The following TM2D1 variants were observed in gnomAD, a reference collection of about 807,000 sequenced individuals.
TM2D1 encodes the protein TM2 domain containing 1, also known as TM2 domain-containing protein 1.
Under a neutral mutation model 28.4 loss-of-function variants are expected in TM2D1, and 15 were observed. That is an observed-to-expected ratio of 0.53 (90% CI 0.35 to 0.81). The LOEUF is 0.81. Among genes scored for constraint, TM2D1 ranks in the 40% least tolerant of loss-of-function variants. The probability of loss-of-function intolerance (pLI) is 0.01; values close to 1 mark genes in which losing one functional copy is unlikely to be tolerated. For synonymous variants in TM2D1, 93 were observed against 96.2 expected (o/e 0.97, Z 0.20); for missense variants, 236 against 254.9 (o/e 0.93, Z 0.50).
rs1337838701 is a variant in TM2D1, at chr1:61,694,746, C to T, written c.464G>A (p.Gly155Glu). The T allele has an allele frequency of 6.2e-7, 1 of 1,605,940 alleles. No individual in the cohort carries two copies. Among genetic ancestry groups the T allele is most frequent in the Non-Finnish European group, 8.5e-7 (1 of 1,176,380 alleles). The part of the protein sequence containing the change: ...ALGLLKFCTV[G>E]FCGIGSLIDF... Reference sequence around the variant, plus strand: ...AATTAGGCTCCCAATTCCACAAAACCCTACAGTGCAAAACTTTAACAAACC... The same window carrying T: ...AATTAGGCTCCCAATTCCACAAAACTCTACAGTGCAAAACTTTAACAAACC... The change falls in exon 5 of 7, where the codon GGG becomes GAG. Residue 155 changes from glycine to glutamate, a missense_variant. Physicochemically the swap from Gly to Glu is moderately conservative, Grantham distance 98. Coordinates refer to ENST00000606498, the MANE Select transcript of TM2D1 (RefSeq NM_032027.3).
intron 6 of TM2D1, among the ~76,000 whole-genome samples, chr1:61,681,800 G>A (rs902896818): frequency 1.3e-5 from 2 of 152,180 alleles, no homozygotes; most frequent in African/African-American, 4.8e-5. Flanking sequence ...GACTGGAGCT[G>A]GGGTAGGATG....
intron 2 of TM2D1, 25 bp from the exon 3 acceptor site, chr1:61,709,462 C>CT: frequency 1.3e-6 from 2 of 1,532,988 alleles, no homozygotes; most frequent in Non-Finnish European, 1.8e-6. Flanking sequence ...AGTCAAGAAA[C>CT]TGTTATTTTT....
intron 5 of TM2D1, among the ~76,000 whole-genome samples, chr1:61,690,479 A>AAAC (rs1557526569): frequency 6.9e-6 from 1 of 145,382 alleles, no homozygotes; most frequent in Non-Finnish European, 1.5e-5. Flanking sequence ...AAAAAAAAAA[A>AAAC]AACACAAAAC....
chr1:61,715,935 G>A (rs904078561), intron 2 of TM2D1, among the ~76,000 whole-genome samples: 1 of 150,874 alleles, frequency 6.6e-6, no homozygotes, highest in Non-Finnish European at 1.5e-5. Context: ...CCGAGTAGCT[G>A]GGACTACAGG....
At chr1:61,712,023 T>A (rs1223205722) in intron 2 of TM2D1, among the ~76,000 whole-genome samples, 2 of 152,008 alleles carry the variant, frequency 1.3e-5, no homozygotes, top group Non-Finnish European at 2.9e-5. Context: ...TGAGCCACCA[T>A]GATGTAACTA....
chr1:61,695,884 T>C (rs1644359748), intron 4 of TM2D1, among the ~76,000 whole-genome samples: 1 of 152,232 alleles, frequency 6.6e-6, no homozygotes, highest in Admixed American at 6.5e-5. Flanking sequence ...TTATCTTTGA[T>C]TACTATCTGT....
At chr1:61,714,228 C>A (rs1048546303) in intron 2 of TM2D1, among the ~76,000 whole-genome samples, 4 of 149,042 alleles carry the variant, frequency 2.7e-5, no homozygotes, top group African/African-American at 9.8e-5. Context: ...GTTGAAAATG[C>A]CTGGTAAAAA....
At position 61,723,750 on chromosome 1, in the gene TM2D1, C is replaced by A. The variant is rs769317909; in HGVS notation, c.201G>T (p.Thr67=). The change falls in exon 2 of 7, where the codon ACG becomes ACT. Residue 67 remains threonine (T), a synonymous_variant. Coordinates refer to ENST00000606498, the MANE Select transcript of TM2D1 (RefSeq NM_032027.3). ...ICKDPKINDA[T]QEPVNCTNYT... is the part of the protein sequence containing the mutation. ...AGTTTGTACAGTTAACTGGTTCTTG[C>A]GTAGCGTCATTTATTTTTGGATCTT... The A allele has an allele frequency of 1.9e-6, 3 of 1,557,930 alleles. No homozygotes were observed. The highest frequency in any genetic ancestry group is 3.6e-5 in the Admixed American group (2 of 54,800).
At chr1:61,697,046 G>A (rs114724125) in intron 4 of TM2D1, among the ~76,000 whole-genome samples, 106 of 151,976 alleles carry the variant, frequency 7.0e-4, no homozygotes, top group African/African-American at 2.3e-3. Context: ...ATCTTATCTC[G>A]TTTAATTCTT....
At chr1:61,682,736 A>G (rs896729510) in intron 6 of TM2D1, among the ~76,000 whole-genome samples, 13 of 152,008 alleles carry the variant, frequency 8.6e-5, no homozygotes, top group Admixed American at 1.3e-4. Context: ...CTCTACTAAA[A>G]ATACAAGTTA....
chr1:61,706,834 AAAAGAAAGAAAGAAAG>A (rs71050144), intron 3 of TM2D1, among the ~76,000 whole-genome samples: 2 of 146,376 alleles, frequency 1.4e-5, no homozygotes, highest in Non-Finnish European at 3.0e-5. Context: ...TGTCTTAAAA[AAAAGAAAGAAAGAAAG>A]AAAGAAAGAA....
At chr1:61,696,966 G>T (rs17122681) in intron 4 of TM2D1, among the ~76,000 whole-genome samples, 36,029 of 151,400 alleles carry the variant, frequency 0.24, 4,392 homozygotes, top group South Asian at 0.39. Context: ...TGAAGTTTTT[G>T]ATTATAATAA....
intron 3 of TM2D1, among the ~76,000 whole-genome samples, chr1:61,708,636 CT>C (rs1644456363): frequency 6.6e-6 from 1 of 152,114 alleles, no homozygotes; most frequent in Non-Finnish European, 1.5e-5. Flanking sequence ...TTAAAATGCC[CT>C]TTATGTGCAA....
chr1:61,701,874 G>C (rs1644404114), intron 3 of TM2D1, among the ~76,000 whole-genome samples: 1 of 152,110 alleles, frequency 6.6e-6, no homozygotes, highest in Non-Finnish European at 1.5e-5. Context: ...TACATGTGGG[G>C]AATGAGGGAA....
chr1:61,689,794 T>G (rs541351536), intron 5 of TM2D1, among the ~76,000 whole-genome samples: 1 of 152,356 alleles, frequency 6.6e-6, no homozygotes, highest in Non-Finnish European at 1.5e-5. Context: ...TTTCCACTGA[T>G]GCCATAATGT....
In TM2D1 at chr1:61,700,179, A is replaced by G. The variant is rs756917068; in HGVS notation, c.439+755T>C. 24 of 1,534,610 alleles carry G rather than the reference A, an allele frequency of 1.6e-5. No homozygotes were observed. The South Asian group carries it at 3.0e-4, about 19-fold the overall frequency. ...TAATCTCGTGACAATTTTCCTATCC[A>G]TAAAACAAAGATGATAACAACAAAT... On this transcript the variant is annotated intron_variant, in intron 4 of 6. Transcript: ENST00000606498.
At position 61,725,100 on chromosome 1, in the gene TM2D1, A is replaced by G; in HGVS notation, c.21T>C (p.Ser7=). The part of the protein sequence containing the change: MAAAWP[S]GPSAPEAVTA... Reference sequence around the variant, plus strand: ...TCACGGCCTCCGGAGCAGACGGACCAGACGGCCAGGCGGCCGCCATCTTGG... The same window carrying G: ...TCACGGCCTCCGGAGCAGACGGACCGGACGGCCAGGCGGCCGCCATCTTGG... The change falls in exon 1 of 7, where the codon TCT becomes TCC. Residue 7 remains serine, a synonymous_variant. Coordinates refer to ENST00000606498, the MANE Select transcript of TM2D1 (RefSeq NM_032027.3). 1.2e-6 allele frequency: 2 copies of G among 1,613,700 alleles called. No individual in the cohort carries two copies. Among genetic ancestry groups the G allele is most frequent in the Non-Finnish European group, 1.7e-6 (2 of 1,179,894 alleles).
chr1:61,700,434 A>AAGATAT (rs1307962918), intron 4 of TM2D1, among the ~76,000 whole-genome samples: 2 of 152,196 alleles, frequency 1.3e-5, no homozygotes, highest in Non-Finnish European at 2.9e-5. Flanking sequence ...AGCCAGAAGG[A>AAGATAT]AGATATAGAA....
intron 2 of TM2D1, among the ~76,000 whole-genome samples, chr1:61,716,153 T>C (rs1262823073): frequency 1.3e-5 from 2 of 150,510 alleles, no homozygotes. Flanking sequence ...AGACTCTGTC[T>C]CTAAAGAAAA....
Sources: gnomAD v4.1 joint callset for allele counts (sites outside exome capture counted in the v4.1 genomes callset) on GRCh38, gnomAD v4.1.1 for gene constraint, MANE v1.5 for transcripts, NCBI Gene and HGNC (gene_info 2026-07-23, HGNC 2026-07-21) for gene names.